CCAR1: variants seen among roughly 807,000 people sequenced by gnomAD.
CCAR1 encodes the protein cell division cycle and apoptosis regulator 1, also known as cell division cycle and apoptosis regulator protein 1.
Under a neutral mutation model 163.8 loss-of-function variants are expected in CCAR1, and 78 were observed. The observed-to-expected ratio is 0.48, with a 90% CI of 0.40 to 0.57. CCAR1 has a LOEUF of 0.57. Among genes scored for constraint, CCAR1 ranks in the 20% least tolerant of loss-of-function variants. The pLI, the probability that CCAR1 is intolerant of heterozygous loss-of-function variation, is 0.00. For synonymous variants in CCAR1, 443 were observed against 460.7 expected, an observed-to-expected ratio of 0.96 and a Z score of 0.49; for missense variants, 1,019 against 1,365.2, an observed-to-expected ratio of 0.75 and a Z score of 4.00.
At chr10:68,738,376 C>T (rs551127346) in intron 4 of CCAR1, among the ~76,000 whole-genome samples, 2 of 151,224 alleles carry the variant, frequency 1.3e-5, no homozygotes, top group African/African-American at 4.9e-5. Context: ...TATGGTGAGC[C>T]GAGATCACAC....
At chr10:68,753,411 T>A (rs1221939098) in intron 10 of CCAR1, among the ~76,000 whole-genome samples, 2 of 152,184 alleles carry the variant, frequency 1.3e-5, no homozygotes, top group Non-Finnish European at 2.9e-5. Context: ...CTTACTATAG[T>A]AAAATAAAAG....
intron 10 of CCAR1, 72 bp downstream of exon 10, chr10:68,749,757 G>T: frequency 3.8e-6 from 5 of 1,327,526 alleles, no homozygotes; most frequent in Non-Finnish European, 5.2e-6. Flanking sequence ...TGTCACAGAG[G>T]TATTTTTCTT....
rs2056835976 is a variant in CCAR1, at chr10:68,789,996, A to G, written c.3393+81A>G. The G allele has an allele frequency of 1.3e-5, 11 of 850,478 alleles. No homozygotes were observed. The Admixed American group carries it at 1.6e-4, about 12-fold the overall frequency. The allele number at this position is 850,478 out of a possible 1,614,324, so 52.7% of individuals were successfully genotyped here. ...TTTTTAATGTATTTTAATGTTATTAAGCTCTTAGTGATTATTCTAAAAGCA... is the reference window on the plus strand; with the variant it reads ...TTTTTAATGTATTTTAATGTTATTAGGCTCTTAGTGATTATTCTAAAAGCA... On this transcript the variant is annotated intron_variant, in intron 24 of 24. Transcript: ENST00000265872.
chr10:68,748,868 G>C (rs1329397301), intron 8 of CCAR1, among the ~76,000 whole-genome samples: 1 of 151,922 alleles, frequency 6.6e-6, no homozygotes, highest in African/African-American at 2.4e-5. Flanking sequence ...TTTAGAGATA[G>C]GGTTTTGCCA....
At chr10:68,722,043 T>TA (rs758792850) in intron 1 of CCAR1, among the ~76,000 whole-genome samples, 1 of 152,126 alleles carries the variant, frequency 6.6e-6, no homozygotes, top group African/African-American at 2.4e-5. Context: ...CAGTATCCGT[T>TA]ATTGGTTTTA....
chr10:68,756,551 C>T lies in CCAR1; in HGVS notation c.1836+68C>T. ...GCACAGGAACACAGGCACAAATGCACACCACACACTACATAATAAACACAC... is the reference window on the plus strand; with the variant it reads ...GCACAGGAACACAGGCACAAATGCATACCACACACTACATAATAAACACAC... On this transcript the variant is annotated intron_variant, in intron 14 of 24. Transcript: ENST00000265872. This position sits in a 1 kb window ranked among gnomAD's most constrained non-coding sequence, Gnocchi z 5.1. 1 of 1,187,358 alleles carries T rather than the reference C, an allele frequency of 8.4e-7. No individual in the cohort carries two copies. The highest frequency in any genetic ancestry group is 1.2e-6 in the Non-Finnish European group (1 of 815,306). The allele number at this position is 1,187,358 out of a possible 1,614,324, so 73.6% of individuals were successfully genotyped here. A position where few individuals can be genotyped will look rare whatever the true frequency, so the allele number is the denominator to read the frequency against.
At chr10:68,743,255 G>A (rs1589161433) in intron 6 of CCAR1, among the ~76,000 whole-genome samples, 1 of 150,232 alleles carries the variant, frequency 6.7e-6, no homozygotes, top group Admixed American at 6.7e-5. Context: ...GGAGTGCAGT[G>A]GTTCGATCTC....
chr10:68,749,346 T>A, intron 9 of CCAR1, 81 bp downstream of exon 9: 1 of 1,383,408 alleles, frequency 7.2e-7, no homozygotes, highest in Non-Finnish European at 9.7e-7. Context: ...TGAACTATGC[T>A]TATAATATAA....
chr10:68,783,270 A>G (rs770460924), intron 19 of CCAR1, among the ~76,000 whole-genome samples: 22 of 151,926 alleles, frequency 1.4e-4, no homozygotes, highest in Admixed American at 8.5e-4. Context: ...GCTCACTGCA[A>G]GCTCCGCCTC....
At chr10:68,726,549 T>G (rs1393925605) in intron 2 of CCAR1, among the ~76,000 whole-genome samples, 1 of 152,206 alleles carries the variant, frequency 6.6e-6, no homozygotes, top group East Asian at 1.9e-4. Context: ...GGCTTGGTGG[T>G]GATACTCTAT....
chr10:68,733,990 T>C (rs1352764924), intron 2 of CCAR1, among the ~76,000 whole-genome samples: 3 of 152,200 alleles, frequency 2.0e-5, no homozygotes, highest in Non-Finnish European at 4.4e-5. Context: ...TTTAAAATTA[T>C]TGTTTTTGCA....
intron 4 of CCAR1, among the ~76,000 whole-genome samples, chr10:68,738,243 C>A (rs1286003142): frequency 6.6e-6 from 1 of 151,784 alleles, no homozygotes; most frequent in Non-Finnish European, 1.5e-5. Flanking sequence ...GGAGAAACCC[C>A]ATCTCTACTA....
chr10:68,762,996 A>G (rs912966904), intron 16 of CCAR1, among the ~76,000 whole-genome samples: 1 of 152,166 alleles, frequency 6.6e-6, no homozygotes, highest in Non-Finnish European at 1.5e-5. Context: ...TATTATGGAT[A>G]TGGATGTGAC....
chr10:68,745,465 C>T (rs1589162839), intron 6 of CCAR1, among the ~76,000 whole-genome samples: 2 of 140,880 alleles, frequency 1.4e-5, no homozygotes, highest in Admixed American at 1.4e-4. Flanking sequence ...CCACGTCCAG[C>T]TTTTTTTTTT....
intron 2 of CCAR1, among the ~76,000 whole-genome samples, chr10:68,734,451 A>G (rs2056081336): frequency 6.6e-6 from 1 of 151,872 alleles, no homozygotes; most frequent in Non-Finnish European, 1.5e-5. Context: ...CCAGGAGTTC[A>G]AGACCAGCCT....
In CCAR1 at chr10:68,745,458, C is replaced by T. The variant is rs536164293; in HGVS notation, c.519-1703C>T. On this transcript the variant is annotated intron_variant, in intron 6 of 24. Transcript: ENST00000265872. ...CTGGGACTCTAGGCCCATGCTACCA[C>T]GTCCAGCTTTTTTTTTTTTTTGGAG... Among the ~76,000 whole-genome samples the T allele has an allele frequency of 6.0e-3, 897 of 149,822 alleles. 11 individuals are homozygous for T. Among genetic ancestry groups the T allele is most frequent in the African/African-American group, 0.021 (860 of 40,084 alleles).
intron 24 of CCAR1, among the ~76,000 whole-genome samples, chr10:68,790,851 C>T (rs1163689969): frequency 6.8e-6 from 1 of 147,892 alleles, no homozygotes; most frequent in African/African-American, 2.5e-5. Flanking sequence ...AAAAAAACTG[C>T]GAGACTCTGT....
intron 4 of CCAR1, 85 bp from the exon 5 acceptor site, chr10:68,740,544 A>G: frequency 9.3e-7 from 1 of 1,069,768 alleles, no homozygotes; most frequent in Non-Finnish European, 1.4e-6. Flanking sequence ...AATAACTTTT[A>G]TAGGATTATT....
At chr10:68,747,327 T>C (rs749268976) in intron 7 of CCAR1, 47 bp from the exon 8 acceptor site, 104 of 1,595,240 alleles carry the variant, frequency 6.5e-5, no homozygotes, top group Non-Finnish European at 2.4e-5. Flanking sequence ...ATGAGTCTTC[T>C]AATTCACAAA....
Sources: gnomAD v4.1 joint callset for allele counts (sites outside exome capture counted in the v4.1 genomes callset) on GRCh38, gnomAD v4.1.1 for gene constraint, Gnocchi (gnomAD v3.1) non-coding constraint, MANE v1.5 for transcripts, NCBI Gene and HGNC (gene_info 2026-07-23, HGNC 2026-07-21) for gene names.